RASEF: variants seen among roughly 807,000 people sequenced by gnomAD.
RASEF encodes the protein RAS and EF-hand domain containing, also known as ras and EF-hand domain-containing protein.
In RASEF, 68 loss-of-function variants were observed where a neutral mutation model predicts 90.1. The observed-to-expected ratio is 0.75, with a 90% CI of 0.62 to 0.92. The LOEUF is 0.92. Among genes scored for constraint, RASEF ranks in the 40% least tolerant of loss-of-function variants. The pLI, the probability that RASEF is intolerant of heterozygous loss-of-function variation, is 0.00. For missense variants in RASEF, 949 were observed against 937.2 expected, an observed-to-expected ratio of 1.01 and a Z score of -0.16; for synonymous variants, 331 against 345.2, an observed-to-expected ratio of 0.96 and a Z score of 0.46.
the RASEF span, among the ~76,000 whole-genome samples, chr9:83,134,239 G>A: frequency 6.6e-6 from 1 of 152,040 alleles, no homozygotes; most frequent in African/African-American, 2.4e-5. Flanking sequence ...TACTTTCACA[G>A]AGAAGTGTAA....
At chr9:83,144,417 A>AAAGAAAGAAAGAAAG in the RASEF span, among the ~76,000 whole-genome samples, 1 of 135,716 alleles carries the variant, frequency 7.4e-6, no homozygotes, top group African/African-American at 2.7e-5. Flanking sequence ...AGAAAGAAAG[A>AAAGAAAGAAAGAAAG]AAAGAAAAGA....
chr9:83,072,025 G>A, the RASEF span, among the ~76,000 whole-genome samples: 3 of 152,146 alleles, frequency 2.0e-5, no homozygotes, highest in South Asian at 6.2e-4. Flanking sequence ...GCAGGAGGAG[G>A]AGTTAAAAAT....
At chr9:83,055,808 T>A in intron 1 of RASEF, 1 of 613,848 alleles carries the variant, frequency 1.6e-6, no homozygotes, top group South Asian at 1.9e-5. Flanking sequence ...CCCAAAGATA[T>A]ATGTAAGGAC....
intron 12 of RASEF, among the ~76,000 whole-genome samples, chr9:82,998,678 A>G (rs1212465014): frequency 6.6e-6 from 1 of 152,156 alleles, no homozygotes; most frequent in Non-Finnish European, 1.5e-5. Context: ...GATTTAATTT[A>G]TGAGCCAAGG....
chr9:83,062,936 G>T lies in RASEF; in HGVS notation c.-69C>A, dbSNP rs1300504496. The T allele has an allele frequency of 3.0e-6, 4 of 1,347,140 alleles. No homozygotes were observed. The highest frequency in any genetic ancestry group is 4.0e-5 in the Admixed American group (1 of 24,936). 83.4% of individuals were successfully genotyped at this position (1,347,140 alleles called of 1,614,324 possible). A position where few individuals can be genotyped will look rare whatever the true frequency, so the allele number is the denominator to read the frequency against. On this transcript the variant is annotated 5_prime_UTR_variant, in exon 1 of 17. Coordinates refer to ENST00000376447, the MANE Select transcript of RASEF (RefSeq NM_152573.4). ...GGCGCAGGGCCCTCCCTGGAAGGAC[G>T]GGGCCACCTGCTGCCGCCGGGAGGC... is the stretch of plus-strand genomic sequence containing the variant.
chr9:82,987,918 G>A (rs1252468560), intron 16 of RASEF, among the ~76,000 whole-genome samples: 2 of 152,192 alleles, frequency 1.3e-5, no homozygotes, highest in Admixed American at 1.3e-4. Flanking sequence ...CCTCCAATAT[G>A]CTGGGGAGCA....
At chr9:83,134,557 C>A in the RASEF span, among the ~76,000 whole-genome samples, 1 of 152,038 alleles carries the variant, frequency 6.6e-6, no homozygotes, top group East Asian at 1.9e-4. Context: ...CAGATTGGAG[C>A]TCATAGATTT....
At chr9:83,088,264 T>C in the RASEF span, among the ~76,000 whole-genome samples, 1 of 152,124 alleles carries the variant, frequency 6.6e-6, no homozygotes, top group Non-Finnish European at 1.5e-5. Context: ...TATCTATATA[T>C]CTCTATATAT....
At chr9:83,071,527 T>C in the RASEF span, among the ~76,000 whole-genome samples, 1 of 152,286 alleles carries the variant, frequency 6.6e-6, no homozygotes, top group African/African-American at 2.4e-5. Context: ...CACCTCAGCC[T>C]CTTGAGTAGC....
the RASEF span, among the ~76,000 whole-genome samples, chr9:83,158,622 G>GTCCAAATATA: frequency 1.1e-5 from 1 of 89,244 alleles, no homozygotes; most frequent in African/African-American, 5.2e-5. Flanking sequence ...ATGTATATAT[G>GTCCAAATATA]TACATATGTA....
the RASEF span, among the ~76,000 whole-genome samples, chr9:83,143,393 C>A: frequency 6.6e-6 from 1 of 151,864 alleles, no homozygotes; most frequent in Non-Finnish European, 1.5e-5. Flanking sequence ...AAACAAATAA[C>A]CCCATTAAAA....
rs1312913624 is a variant in RASEF at position 82,980,166 on chromosome 9, C to T, written c.*2511G>A. The T allele has an allele frequency of 2.0e-5, 3 of 152,188 alleles. No homozygotes were observed. The East Asian group carries it at 5.8e-4, about 29-fold the overall frequency. 9.4% of individuals were successfully genotyped at this position (152,188 alleles called of 1,614,324 possible). A position where few individuals can be genotyped will look rare whatever the true frequency, so the allele number is the denominator to read the frequency against. ...TAGTATAACTATGATTTTAAAATATCTTAAAGAAAAACAGGGACAAGGTGA... is the reference window on the plus strand; with the variant it reads ...TAGTATAACTATGATTTTAAAATATTTTAAAGAAAAACAGGGACAAGGTGA... On this transcript the variant is annotated 3_prime_UTR_variant, in exon 17 of 17. Coordinates refer to ENST00000376447, the MANE Select transcript of RASEF (RefSeq NM_152573.4).
the RASEF span, among the ~76,000 whole-genome samples, chr9:83,133,745 T>C: frequency 7.3e-3 from 1,114 of 152,296 alleles, 15 homozygotes; most frequent in African/African-American, 0.026. Context: ...ACAAAATCTA[T>C]GATTAACAAA....
rs934118849 is a variant in RASEF at position 83,055,803 on chromosome 9, A to C, written c.431+6634T>G. 7.3e-5 allele frequency: 45 copies of C among 617,938 alleles called. No homozygotes were observed. In the Admixed American group the frequency reaches 9.3e-4, roughly 13 times the overall value. 38.3% of individuals were successfully genotyped at this position (617,938 alleles called of 1,614,324 possible). ...ATATTTGGTCTCCTAAAACTCCCAA[A>C]GATATATGTAAGGACCCCGAAGGGT... On this transcript the variant is annotated intron_variant, in intron 1 of 16. Coordinates refer to ENST00000376447, the MANE Select transcript of RASEF (RefSeq NM_152573.4).
chr9:83,184,910 A>G, the RASEF span, among the ~76,000 whole-genome samples: 1 of 152,292 alleles, frequency 6.6e-6, no homozygotes. Context: ...AGAGTGGCAC[A>G]CAGGCAGTTC....
the RASEF span, among the ~76,000 whole-genome samples, chr9:83,087,934 T>G: frequency 6.6e-6 from 1 of 152,178 alleles, no homozygotes; most frequent in African/African-American, 2.4e-5. Flanking sequence ...TAAGGTTTGG[T>G]AAGTTGTATT....
rs1333077485 is a variant in RASEF, at chr9:83,025,871, C to A, written c.482G>T (p.Arg161Ile). Reference sequence around the variant, plus strand: ...AACATGTTCATATGGCTGAATTAATCTTGGCTCCACAAGGTTGATGTTTTG... The same window carrying A: ...AACATGTTCATATGGCTGAATTAATATTGGCTCCACAAGGTTGATGTTTTG... Reference protein sequence around the residue: ...LYQNINLVEPRLIQPYEHVIK... With the variant: ...LYQNINLVEPILIQPYEHVIK... The change falls in exon 2 of 17, where the codon AGA (arginine) becomes ATA (isoleucine). Residue 161 changes from arginine to isoleucine, a missense_variant. Coordinates refer to ENST00000376447, the MANE Select transcript of RASEF (RefSeq NM_152573.4). The A allele has an allele frequency of 6.2e-7, 1 of 1,613,854 alleles. No individual in the cohort carries two copies. The highest frequency in any genetic ancestry group is 1.1e-5 in the South Asian group (1 of 91,026).
At position 82,980,155 on chromosome 9, in the gene RASEF, T is replaced by C. The variant is rs542792226; in HGVS notation, c.*2522A>G. The C allele has an allele frequency of 6.6e-6, 1 of 152,336 alleles. No individual in the cohort carries two copies. Among genetic ancestry groups the C allele is most frequent in the East Asian group, 1.9e-4 (1 of 5,186 alleles). 9.4% of individuals were successfully genotyped at this position (152,336 alleles called of 1,614,324 possible). On this transcript the variant is annotated 3_prime_UTR_variant, in exon 17 of 17. Coordinates refer to ENST00000376447, the MANE Select transcript of RASEF (RefSeq NM_152573.4). ...AAAAAGGACTGTAGTATAACTATGA[T>C]TTTAAAATATCTTAAAGAAAAACAG...
the RASEF span, among the ~76,000 whole-genome samples, chr9:83,176,036 T>C: frequency 6.6e-6 from 1 of 152,226 alleles, no homozygotes; most frequent in African/African-American, 2.4e-5. Flanking sequence ...AGTTTGTGTA[T>C]TGTTCAATTA....
Sources: allele counts gnomAD v4.1 joint callset (sites outside exome capture counted in the v4.1 genomes callset), GRCh38; gene constraint gnomAD v4.1.1; transcripts MANE v1.5; gene names NCBI Gene and HGNC (gene_info 2026-07-23, HGNC 2026-07-21).